Variants in WDR7 observed in about 807,000 individuals in gnomAD.
The protein encoded by WDR7 is WD repeat domain 7, also known as WD repeat-containing protein 7.
Under a neutral mutation model 169.4 loss-of-function variants are expected in WDR7, and 46 were observed. The ratio of observed to expected loss-of-function variants is 0.27; its 90% CI spans 0.21 to 0.35. The LOEUF (loss-of-function observed/expected upper bound fraction) is 0.35. Ranked by LOEUF, WDR7 falls within the 10% of genes least tolerant of loss-of-function variation. The probability of loss-of-function intolerance (pLI) is 1.00; values close to 1 mark genes in which losing one functional copy is unlikely to be tolerated. For synonymous variants in WDR7, 612 were observed against 666.8 expected, an observed-to-expected ratio of 0.92 and a Z score of 1.27; for missense variants, 1,534 against 1,859.3, an observed-to-expected ratio of 0.83 and a Z score of 3.22.
At chr18:56,877,859 A>G (rs927213048) in intron 20 of WDR7, among the ~76,000 whole-genome samples, 72 of 152,176 alleles carry the variant, frequency 4.7e-4, no homozygotes, top group Non-Finnish European at 3.8e-4. Flanking sequence ...GACACAGTCC[A>G]TGGTGGGCTT....
chr18:56,786,765 C>T (rs757663293), intron 19 of WDR7, among the ~76,000 whole-genome samples: 5 of 151,874 alleles, frequency 3.3e-5, no homozygotes, highest in East Asian at 2.0e-4. Flanking sequence ...ATATGGCATA[C>T]GTTCTTGTAA....
intron 15 of WDR7, 88 bp downstream of exon 15, chr18:56,757,440 T>C (rs927434239): frequency 1.7e-5 from 23 of 1,328,794 alleles, no homozygotes; most frequent in Non-Finnish European, 2.3e-5. Flanking sequence ...CTTTTTTGGC[T>C]CTACACAATT....
chr18:56,973,176 A>G (rs766743078), intron 26 of WDR7, among the ~76,000 whole-genome samples: 2 of 152,202 alleles, frequency 1.3e-5, no homozygotes, highest in Non-Finnish European at 2.9e-5. Context: ...GCGCCCGGCC[A>G]TGGGTACTTC....
intron 20 of WDR7, among the ~76,000 whole-genome samples, chr18:56,865,532 G>A (rs553714717): frequency 6.6e-6 from 1 of 152,036 alleles, no homozygotes; most frequent in African/African-American, 2.4e-5. Context: ...GAAAATATTT[G>A]TACATGCATG....
intron 26 of WDR7, among the ~76,000 whole-genome samples, chr18:56,986,898 G>C (rs1035284709): frequency 2.2e-5 from 2 of 90,296 alleles, no homozygotes; most frequent in Non-Finnish European, 5.1e-5. Context: ...GTCTCAAGCA[G>C]AGGCCTTTTT....
chr18:56,717,945 G>T lies in WDR7; in HGVS notation c.1579-19G>T, dbSNP rs756367876. Reference sequence around the variant, plus strand: ...CTAAATTTAATTTAAACACAATTAAGGTTTATTCTTCTTTTCAGGCAAGAG... The same window carrying T: ...CTAAATTTAATTTAAACACAATTAATGTTTATTCTTCTTTTCAGGCAAGAG... On this transcript the variant is annotated intron_variant, in intron 12 of 27. Coordinates refer to ENST00000254442, the MANE Select transcript of WDR7 (RefSeq NM_015285.3). The T allele has an allele frequency of 1.3e-6, 2 of 1,566,746 alleles. No homozygotes were observed.
At chr18:56,731,948 AT>A (rs1196332735) in intron 14 of WDR7, among the ~76,000 whole-genome samples, 1 of 152,170 alleles carries the variant, frequency 6.6e-6, no homozygotes, top group African/African-American at 2.4e-5. Flanking sequence ...GAAAAAAGTA[AT>A]TTAGGTACAA....
rs930201046 is a variant in WDR7 at position 56,754,372 on chromosome 18, C to T, written c.1990-2211C>T. 6.9e-5 allele frequency among the ~76,000 whole-genome samples: 10 copies of T among 145,122 alleles called. No homozygotes were observed. The Admixed American group carries it at 6.9e-4, about 10-fold the overall frequency. On this transcript the variant is annotated intron_variant, in intron 14 of 27. Coordinates refer to ENST00000254442, the MANE Select transcript of WDR7 (RefSeq NM_015285.3). ...GTATATATGTGTGTGTATATATACACGTATATATGTGTATATATACGTGTA... is the reference window on the plus strand; with the variant it reads ...GTATATATGTGTGTGTATATATACATGTATATATGTGTATATATACGTGTA...
chr18:56,869,574 A>G (rs2145438323), intron 20 of WDR7, among the ~76,000 whole-genome samples: 1 of 152,310 alleles, frequency 6.6e-6, no homozygotes, highest in African/African-American at 2.4e-5. Flanking sequence ...GTGGGGGAAA[A>G]TCTATGCCGC....
rs190719352 is a variant in WDR7, at chr18:56,823,204, C to T, written c.3304+7060C>T. ...TGACTGTCAATCAAATCTGTATCTC[C>T]AACCTAGCCTTCTCTTTTCAATATC... On this transcript the variant is annotated intron_variant, in intron 20 of 27. Coordinates refer to ENST00000254442, the MANE Select transcript of WDR7 (RefSeq NM_015285.3). Among the ~76,000 whole-genome samples, 236 of 152,240 alleles carry T rather than the reference C, an allele frequency of 1.6e-3. 2 individuals carry two copies. The highest frequency in any genetic ancestry group is 0.014 in the Admixed American group (217 of 15,292).
intron 20 of WDR7, among the ~76,000 whole-genome samples, chr18:56,874,390 T>G (rs1356252874): frequency 6.6e-6 from 1 of 152,174 alleles, no homozygotes; most frequent in Non-Finnish European, 1.5e-5. Context: ...CTGCTAATAC[T>G]TTTTACTGAC....
rs1294502892 is a variant in WDR7 at position 57,020,152 on chromosome 18, G to T, written c.4165-593G>T. 2.6e-5 allele frequency among the ~76,000 whole-genome samples: 4 copies of T among 152,108 alleles called. 1 individual carries two copies. The highest frequency in any genetic ancestry group is 9.7e-5 in the African/African-American group (4 of 41,416). ...TATCCCTGTTAACTTGTTTTTAATGGTATTTGATTTATGTGTGTGCCCAAA... is the reference window on the plus strand; with the variant it reads ...TATCCCTGTTAACTTGTTTTTAATGTTATTTGATTTATGTGTGTGCCCAAA... On this transcript the variant is annotated intron_variant, in intron 26 of 27. Coordinates refer to ENST00000254442, the MANE Select transcript of WDR7 (RefSeq NM_015285.3).
At chr18:56,809,726 C>T (rs1224076903) in intron 19 of WDR7, among the ~76,000 whole-genome samples, 1 of 151,942 alleles carries the variant, frequency 6.6e-6, no homozygotes, top group Non-Finnish European at 1.5e-5. Context: ...GCATTGTATT[C>T]TGGCATAGTC....
At chr18:56,858,676 A>G (rs191172539) in intron 20 of WDR7, among the ~76,000 whole-genome samples, 284 of 152,246 alleles carry the variant, frequency 1.9e-3, no homozygotes, top group Middle Eastern at 6.8e-3. Flanking sequence ...TCTTGGGCCA[A>G]ATTAAACTGG....
intron 19 of WDR7, among the ~76,000 whole-genome samples, chr18:56,807,668 G>A (rs924520716): frequency 2.2e-5 from 3 of 136,638 alleles, no homozygotes; most frequent in African/African-American, 8.3e-5. Context: ...TATGAGAGCA[G>A]TTTTCTAAAA....
intron 13 of WDR7, 89 bp from the exon 14 acceptor site, chr18:56,731,294 T>G: frequency 4.2e-6 from 6 of 1,444,910 alleles, no homozygotes; most frequent in Non-Finnish European, 5.5e-6. Context: ...TGTTTCTACT[T>G]AAAAAATTTT....
intron 26 of WDR7, among the ~76,000 whole-genome samples, chr18:56,992,945 T>C (rs765897903): frequency 2.0e-5 from 3 of 152,214 alleles, no homozygotes; most frequent in Non-Finnish European, 2.9e-5. Flanking sequence ...GATGTTTTGA[T>C]AGATAATGAT....
chr18:56,940,709 G>A (rs2047024204), intron 25 of WDR7, among the ~76,000 whole-genome samples: 2 of 152,150 alleles, frequency 1.3e-5, no homozygotes, highest in African/African-American at 4.8e-5. Context: ...ACTTCCTGGA[G>A]GTGATGAGGA....
At chr18:56,681,591 T>C (rs1444522403) in intron 4 of WDR7, among the ~76,000 whole-genome samples, 200 bp downstream of exon 4, 1 of 152,172 alleles carries the variant, frequency 6.6e-6, no homozygotes, top group African/African-American at 2.4e-5. Context: ...AGGAGACTAA[T>C]GGGGAAAGAT....
Sources: allele counts gnomAD v4.1 joint callset (sites outside exome capture counted in the v4.1 genomes callset), GRCh38; gene constraint gnomAD v4.1.1; transcripts MANE v1.5; gene names NCBI Gene and HGNC (gene_info 2026-07-23, HGNC 2026-07-21).